The following CSMD3 variants were observed in gnomAD, a reference collection of about 807,000 sequenced individuals.
The protein encoded by CSMD3 is CUB and Sushi multiple domains 3, also known as CUB and sushi domain-containing protein 3.
In CSMD3, 177 loss-of-function variants were observed where a neutral mutation model predicts 435.2. The observed-to-expected ratio is 0.41, with a 90% confidence interval of 0.36 to 0.46. The LOEUF (loss-of-function observed/expected upper bound fraction) is 0.46, where lower values mean the gene tolerates loss of function less well. Among genes scored for constraint, CSMD3 ranks in the 20% least tolerant of loss-of-function variants. The pLI is 0.34. For missense variants in CSMD3, 4,265 were observed against 4,504.6 expected, an observed-to-expected ratio of 0.95 and a Z score of 1.52; for synonymous variants, 1,656 against 1,520.5, an observed-to-expected ratio of 1.09 and a Z score of -2.07.
chr8:113,057,712 T>C (rs2088409921), intron 5 of CSMD3, among the ~76,000 whole-genome samples: 1 of 151,962 alleles, frequency 6.6e-6, no homozygotes, highest in South Asian at 2.1e-4. Flanking sequence ...ACTCCCATAT[T>C]CTATACATAA....
At chr8:112,770,527 C>A (rs1303873343) in intron 13 of CSMD3, among the ~76,000 whole-genome samples, 2 of 151,936 alleles carry the variant, frequency 1.3e-5, no homozygotes, top group Non-Finnish European at 2.9e-5. Flanking sequence ...TATTCTGTTA[C>A]AACAGTACAG....
chr8:112,883,638 T>C (rs1344348028), intron 10 of CSMD3, among the ~76,000 whole-genome samples: 1 of 151,946 alleles, frequency 6.6e-6, no homozygotes, highest in African/African-American at 2.4e-5. Flanking sequence ...TTCCCTTGAA[T>C]GTTAACATCT....
At chr8:113,373,380 T>A (rs2094359024) in intron 1 of CSMD3, among the ~76,000 whole-genome samples, 1 of 152,258 alleles carries the variant, frequency 6.6e-6, no homozygotes, top group Non-Finnish European at 1.5e-5. Context: ...CAAAGCCTTT[T>A]TTATTTTGAT....
At chr8:113,330,604 T>C (rs2094020061) in intron 1 of CSMD3, among the ~76,000 whole-genome samples, 1 of 151,912 alleles carries the variant, frequency 6.6e-6, no homozygotes, top group African/African-American at 2.4e-5. Context: ...GATGGCAAAA[T>C]ATATAATATG....
chr8:113,040,376 A>C (rs1466839254), intron 5 of CSMD3, among the ~76,000 whole-genome samples: 1 of 152,164 alleles, frequency 6.6e-6, no homozygotes, highest in African/African-American at 2.4e-5. Flanking sequence ...TAGTAGAGGA[A>C]TATCATGTCT....
intron 1 of CSMD3, among the ~76,000 whole-genome samples, chr8:113,374,626 T>C (rs1209482260): frequency 1.3e-5 from 2 of 151,932 alleles, no homozygotes; most frequent in East Asian, 1.9e-4. Context: ...TTTCACATTG[T>C]TTTTCAAATC....
chr8:112,460,216 G>A (rs1681908692), intron 32 of CSMD3, among the ~76,000 whole-genome samples: 1 of 151,982 alleles, frequency 6.6e-6, no homozygotes, highest in South Asian at 2.1e-4. Context: ...CTAGCTCAAG[G>A]CTGGATGTAT....
intron 1 of CSMD3, among the ~76,000 whole-genome samples, chr8:113,375,261 G>C (rs1037156033): frequency 6.6e-6 from 1 of 152,072 alleles, no homozygotes; most frequent in African/African-American, 2.4e-5. Context: ...ATACAGAGTT[G>C]TTACACCAGA....
intron 4 of CSMD3, among the ~76,000 whole-genome samples, chr8:113,159,009 A>G (rs1185036034): frequency 2.0e-5 from 3 of 151,958 alleles, no homozygotes; most frequent in Admixed American, 6.6e-5. Flanking sequence ...TGTACTAGTC[A>G]ATATTGATGG....
At chr8:113,178,161 C>T (rs11996690) in intron 3 of CSMD3, among the ~76,000 whole-genome samples, 3 of 151,718 alleles carry the variant, frequency 2.0e-5, no homozygotes, top group Admixed American at 2.0e-4. Flanking sequence ...TGAGTATCAG[C>T]TTTGATAGGC....
rs2131063329 is a variant in CSMD3, at chr8:112,352,475, C to T, written c.6196G>A (p.Asp2066Asn). 6.2e-7 allele frequency: 1 copy of T among 1,613,658 alleles called. No individual in the cohort carries two copies. Among genetic ancestry groups the T allele is most frequent in the African/African-American group, 1.3e-5 (1 of 75,024 alleles). ...ACTACATCTCCAACCATATATCTGTCTCCAATTTTAATTCCACTGCTAGGA... is the reference window on the plus strand; with the variant it reads ...ACTACATCTCCAACCATATATCTGTTTCCAATTTTAATTCCACTGCTAGGA... ...QTPSSGIKIG[D>N]RYMVGDVVSF... Residue 2066 changes from aspartate (D) to asparagine (N), a missense_variant, in exon 39 of 71, where the codon GAC (aspartate) becomes AAC (asparagine). Physicochemically the swap from Asp to Asn is conservative, Grantham distance 23. Coordinates refer to ENST00000297405, the MANE Select transcript of CSMD3 (RefSeq NM_198123.2).
chr8:112,643,583 G>A (rs1451654497), intron 20 of CSMD3: 1 of 168,786 alleles, frequency 5.9e-6, no homozygotes, highest in Non-Finnish European at 1.5e-5. Context: ...TACATAGCAA[G>A]CAGTATGTAG....
chr8:112,281,311 T>C lies in CSMD3; in HGVS notation c.9371A>G (p.Lys3124Arg). ...TGTTGTGCCATCAATTCGGAAGACTTTCCCATTGGCTGTGGTTCCTGGGTT... is the reference window on the plus strand; with the variant it reads ...TGTTGTGCCATCAATTCGGAAGACTCTCCCATTGGCTGTGGTTCCTGGGTT... Reference protein sequence around the residue: ...CGNPGTTANGKVFRIDGTTFS... With the variant: ...CGNPGTTANGRVFRIDGTTFS... Residue 3124 changes from lysine (K) to arginine (R), a missense_variant, in exon 59 of 71, where the codon AAA (lysine) becomes AGA (arginine). Transcript: ENST00000297405. 6.2e-7 allele frequency: 1 copy of C among 1,613,442 alleles called. No individual in the cohort carries two copies. Among genetic ancestry groups the C allele is most frequent in the East Asian group, 2.2e-5 (1 of 44,822 alleles).
At chr8:112,314,941 C>T (rs1457431637) in intron 47 of CSMD3, among the ~76,000 whole-genome samples, 1 of 151,918 alleles carries the variant, frequency 6.6e-6, no homozygotes, top group Non-Finnish European at 1.5e-5. Context: ...CTTTTGTTCT[C>T]CCACCTCTGC....
intron 13 of CSMD3, among the ~76,000 whole-genome samples, chr8:112,702,583 A>G (rs2076411121): frequency 6.6e-6 from 1 of 151,750 alleles, no homozygotes; most frequent in Non-Finnish European, 1.5e-5. Context: ...CTTCTTTCCT[A>G]CTTCCGGGGT....
chr8:112,892,302 T>C (rs2081817431), intron 10 of CSMD3, among the ~76,000 whole-genome samples: 1 of 151,536 alleles, frequency 6.6e-6, no homozygotes, highest in African/African-American at 2.4e-5. Context: ...GATTGTATAT[T>C]CAATAACTCT....
intron 31 of CSMD3, among the ~76,000 whole-genome samples, chr8:112,481,256 CTG>C (rs1819599463): frequency 1.3e-5 from 2 of 152,066 alleles, no homozygotes; most frequent in Non-Finnish European, 2.9e-5. Flanking sequence ...AAACTTATCA[CTG>C]AGTGAATTAG....
intron 10 of CSMD3, among the ~76,000 whole-genome samples, chr8:112,897,933 G>C (rs1266299483): frequency 6.6e-6 from 1 of 150,956 alleles, no homozygotes; most frequent in Non-Finnish European, 1.5e-5. Flanking sequence ...CTAACAGACT[G>C]GTCTCCTTTT....
rs568648924 is a variant in CSMD3, at chr8:112,263,671, C to T, written c.9830G>A (p.Gly3277Asp). The change falls in exon 61 of 71, where the codon GGT (glycine) becomes GAT (aspartate). Residue 3277 changes from glycine (G) to aspartate (D), a missense_variant. By Grantham distance (94) the Gly-to-Asp change is moderately conservative. Around this residue, in one of 3 missense-constraint regions of CSMD3, gnomAD observed 3,255 missense variants for 3,380.2 expected, o/e 0.96. Coordinates refer to ENST00000297405, the MANE Select transcript of CSMD3 (RefSeq NM_198123.2). ...FPAVLTCVGN[G>D]TWSGEVPQCL... The stretch of plus-strand genomic sequence containing the variant: ...CTGCGGTACTTCACCACTCCAGGTA[C>T]CATTCCCTACACAGGTCAAAACAGC... 6.2e-7 allele frequency: 1 copy of T among 1,613,562 alleles called. No homozygotes were observed. The highest frequency in any genetic ancestry group is 1.1e-5 in the South Asian group (1 of 91,064).
Sources: gnomAD v4.1 joint callset for allele counts (sites outside exome capture counted in the v4.1 genomes callset) on GRCh38, gnomAD v4.1.1 for gene constraint, gnomAD v4.1.1 regional missense constraint, MANE v1.5 for transcripts, NCBI Gene and HGNC (gene_info 2026-07-23, HGNC 2026-07-21) for gene names.